ABCA13: variants seen among roughly 807,000 people sequenced by gnomAD.
The protein encoded by ABCA13 is ATP binding cassette subfamily A member 13, also known as ATP-binding cassette sub-family A member 13.
ABCA13 carries 476 observed loss-of-function variants against 478.7 expected under a neutral mutation model. That is an observed-to-expected ratio of 0.99 (90% CI 0.92 to 1.07). The LOEUF (loss-of-function observed/expected upper bound fraction) is 1.07, where lower values mean the gene tolerates loss of function less well. Ranked by LOEUF, ABCA13 falls within the 50% of genes least tolerant of loss-of-function variation. ABCA13 has a pLI of 0.00. For synonymous variants in ABCA13, 2,252 were observed against 2,158.9 expected, an observed-to-expected ratio of 1.04 and a Z score of -1.20; for missense variants, 6,060 against 5,910.6, an observed-to-expected ratio of 1.03 and a Z score of -0.83.
Position 48,198,353 on chromosome 7 carries a change from C to G in ABCA13, c.280C>G (p.His94Asp). Residue 94 changes from histidine (H) to aspartate (D), a missense_variant, in exon 3 of 62, where the codon CAT becomes GAT. Physicochemically the swap from His to Asp is moderately conservative, Grantham distance 81. Coordinates refer to ENST00000435803, the MANE Select transcript of ABCA13 (RefSeq NM_152701.5). ...CAGCTATGAAGGGTCAATGGAGCAT[C>G]ATTTTCGGTAAGAGAAACACAAAGA... ...NFSYEGSMEH[H>D]FRLSRFQTAA... 6.2e-7 allele frequency: 1 copy of G among 1,613,460 alleles called. No individual in the cohort carries two copies. Among genetic ancestry groups the G allele is most frequent in the Non-Finnish European group, 8.5e-7 (1 of 1,179,716 alleles).
At chr7:48,395,355 G>A (rs538361596) in intron 38 of ABCA13, among the ~76,000 whole-genome samples, 35 of 152,270 alleles carry the variant, frequency 2.3e-4, no homozygotes, top group African/African-American at 7.0e-4. Flanking sequence ...AAAGGGAGAT[G>A]CAGACCCAAT....
chr7:48,245,207 G>A (rs932855366), intron 11 of ABCA13, among the ~76,000 whole-genome samples: 1 of 152,146 alleles, frequency 6.6e-6, no homozygotes, highest in Non-Finnish European at 1.5e-5. Flanking sequence ...TTCTGAGGAA[G>A]TTGGGTTTGG....
intron 26 of ABCA13, among the ~76,000 whole-genome samples, chr7:48,315,419 A>G (rs189442323): frequency 6.6e-6 from 1 of 152,260 alleles, no homozygotes. Flanking sequence ...AGAGTAGGTC[A>G]TTAAATTTCA....
intron 56 of ABCA13, 37 bp from the exon 57 acceptor site, chr7:48,587,117 G>T (rs370417149): frequency 1.2e-4 from 194 of 1,610,824 alleles, no homozygotes; most frequent in Non-Finnish European, 1.5e-4. Flanking sequence ...GCACTTTGGT[G>T]AATGCTGGTG....
chr7:48,246,585 C>G (rs750147729), intron 13 of ABCA13, among the ~76,000 whole-genome samples: 2 of 115,742 alleles, frequency 1.7e-5, no homozygotes, highest in Non-Finnish European at 1.7e-5. Context: ...GTTCATTTTT[C>G]TCTCTCAGTA....
At chr7:48,443,026 A>T (rs66976409) in intron 42 of ABCA13, among the ~76,000 whole-genome samples, 45,245 of 151,992 alleles carry the variant, frequency 0.3, 6,822 homozygotes, top group East Asian at 0.38. Context: ...GTGGATCCTT[A>T]TAAGAACAGG....
intron 55 of ABCA13, among the ~76,000 whole-genome samples, chr7:48,574,828 T>G (rs1788014825): frequency 6.6e-6 from 1 of 152,206 alleles, no homozygotes; most frequent in African/African-American, 2.4e-5. Context: ...TTTTGGGATT[T>G]GAATCTTTAA....
intron 5 of ABCA13, among the ~76,000 whole-genome samples, chr7:48,223,098 G>A (rs569373932): frequency 3.9e-5 from 6 of 152,172 alleles, no homozygotes; most frequent in Non-Finnish European, 7.3e-5. Flanking sequence ...AATCAAAGAT[G>A]ACTCTATGTG....
chr7:48,542,443 T>C (rs933311356), intron 55 of ABCA13, among the ~76,000 whole-genome samples: 2 of 151,762 alleles, frequency 1.3e-5, no homozygotes, highest in South Asian at 2.1e-4. Context: ...ATAGTATGAG[T>C]ATTTATACTG....
chr7:48,286,917 T>G (rs565938849), intron 19 of ABCA13, among the ~76,000 whole-genome samples: 13 of 152,224 alleles, frequency 8.5e-5, no homozygotes, highest in Non-Finnish European at 1.8e-4. Flanking sequence ...AAAATGTATT[T>G]TATTTTCTGT....
intron 57 of ABCA13, 46 bp downstream of exon 57, chr7:48,587,334 T>C: frequency 2.0e-6 from 3 of 1,525,584 alleles, no homozygotes; most frequent in Non-Finnish European, 2.7e-6. Context: ...ACATATTGCA[T>C]ATTGATTTAT....
chr7:48,592,248 A>G (rs1043374646), intron 57 of ABCA13, among the ~76,000 whole-genome samples: 2 of 151,542 alleles, frequency 1.3e-5, no homozygotes, highest in African/African-American at 4.8e-5. Flanking sequence ...CTTTTACTTC[A>G]TCCCATAAGT....
At position 48,234,067 on chromosome 7, in the gene ABCA13, A is replaced by C. The variant is rs369906254; in HGVS notation, c.813A>C (p.Lys271Asn). 1.5e-5 allele frequency: 24 copies of C among 1,614,054 alleles called. No homozygotes were observed. In the African/African-American group the frequency reaches 2.0e-4, roughly 13 times the overall value. ...SMQNIVWDPQ[K>N]VQYDLKSQFG... ...AGAATATAGTGTGGGATCCACAGAAAGTCCAGTATGATCTCAAATCCCAGT... is the reference window on the plus strand; with the variant it reads ...AGAATATAGTGTGGGATCCACAGAACGTCCAGTATGATCTCAAATCCCAGT... The change falls in exon 8 of 62, where the codon AAA becomes AAC. Residue 271 changes from lysine to asparagine, a missense_variant. Lys to Asn is a moderately conservative substitution (Grantham distance 94). Transcript: ENST00000435803.
At chr7:48,485,811 G>T (rs1228686441) in intron 47 of ABCA13, among the ~76,000 whole-genome samples, 1 of 152,170 alleles carries the variant, frequency 6.6e-6, no homozygotes, top group African/African-American at 2.4e-5. Flanking sequence ...GGGAATTTGG[G>T]ATGCTCTTTA....
At chr7:48,450,351 T>G (rs1290338930) in intron 42 of ABCA13, among the ~76,000 whole-genome samples, 1 of 152,176 alleles carries the variant, frequency 6.6e-6, no homozygotes, top group Non-Finnish European at 1.5e-5. Context: ...ACAAGATGAT[T>G]AAGTGTTCAG....
chr7:48,458,675 C>A (rs1254159154), intron 43 of ABCA13, among the ~76,000 whole-genome samples: 1 of 152,098 alleles, frequency 6.6e-6, no homozygotes, highest in Non-Finnish European at 1.5e-5. Context: ...AAGCACAAAC[C>A]AGAAGAAATG....
At chr7:48,351,182 C>T (rs1808920625) in intron 30 of ABCA13, among the ~76,000 whole-genome samples, 1 of 152,224 alleles carries the variant, frequency 6.6e-6, no homozygotes, top group African/African-American at 2.4e-5. Context: ...TTTCCTGCAT[C>T]ACCTTTCCTT....
intron 39 of ABCA13, among the ~76,000 whole-genome samples, chr7:48,405,472 A>G (rs1563198405): frequency 6.6e-6 from 1 of 152,246 alleles, no homozygotes; most frequent in Non-Finnish European, 1.5e-5. Context: ...GAAAGGGCAG[A>G]CATGGGATAC....
chr7:48,192,674 T>C (rs1311121988), intron 1 of ABCA13, among the ~76,000 whole-genome samples: 2 of 152,230 alleles, frequency 1.3e-5, no homozygotes, highest in Non-Finnish European at 2.9e-5. Context: ...GGTGAAGTTA[T>C]TTATTTCTTT....
Sources: allele counts gnomAD v4.1 joint callset (sites outside exome capture counted in the v4.1 genomes callset), GRCh38; gene constraint gnomAD v4.1.1; transcripts MANE v1.5; gene names NCBI Gene and HGNC (gene_info 2026-07-23, HGNC 2026-07-21).